The following CPA4 variants were observed in gnomAD, a reference collection of about 807,000 sequenced individuals.
CPA4 encodes carboxypeptidase A4, also known as carboxypeptidase A3.
A neutral mutation model predicts 54.7 loss-of-function variants in CPA4; 49 were observed. The observed-to-expected ratio is 0.90, with a 90% CI of 0.71 to 1.14. CPA4 has a LOEUF of 1.14. Ranked by LOEUF, CPA4 falls within the 50% of genes most tolerant of loss-of-function variation. The pLI, the probability that CPA4 is intolerant of heterozygous loss-of-function variation, is 0.00. For missense variants in CPA4, 487 were observed against 525.1 expected, an observed-to-expected ratio of 0.93 and a Z score of 0.71; for synonymous variants, 215 against 206.8, an observed-to-expected ratio of 1.04 and a Z score of -0.34.
At chr7:130,319,964 G>A (rs1584756698) in intron 10 of CPA4, among the ~76,000 whole-genome samples, 1 of 152,156 alleles carries the variant, frequency 6.6e-6, no homozygotes, top group Non-Finnish European at 1.5e-5. Context: ...TGGTGGGGCA[G>A]GTATGGGGAA....
chr7:130,296,173 C>T (rs1793645263), intron 1 of CPA4, among the ~76,000 whole-genome samples: 1 of 152,054 alleles, frequency 6.6e-6, no homozygotes, highest in Admixed American at 6.5e-5. Context: ...GTGGGAACAG[C>T]GTGTACAAAA....
chr7:130,306,815 C>T lies in CPA4; in HGVS notation c.620C>T (p.Ala207Val), dbSNP rs1189707952. Residue 207 changes from alanine to valine, a missense_variant, in exon 7 of 11, where the codon GCT becomes GTT. Coordinates refer to ENST00000222482, the MANE Select transcript of CPA4 (RefSeq NM_016352.4). ...KIVSDYQRDP[A>V]ITSILEKMDI... ...GTATCTGATTACCAGAGGGATCCAGCTATCACCTCCATCTTGGAGAAAATG... is the reference window on the plus strand; with the variant it reads ...GTATCTGATTACCAGAGGGATCCAGTTATCACCTCCATCTTGGAGAAAATG... The T allele has an allele frequency of 6.2e-7, 1 of 1,608,638 alleles. No individual in the cohort carries two copies. Among genetic ancestry groups the T allele is most frequent in the Admixed American group, 1.7e-5 (1 of 60,032 alleles).
At position 130,300,914 on chromosome 7, in the gene CPA4, TG is replaced by T; in HGVS notation, c.384+1del. The T allele has an allele frequency of 6.2e-7, 1 of 1,602,228 alleles. No homozygotes were observed. The highest frequency in any genetic ancestry group is 8.6e-7 in the Non-Finnish European group (1 of 1,169,128). ...ACGGGGCTTACCATTCCCTGGAAGC[TG>T]TAAGTGTTTCAGAGTGGGTTAAGAT... On this transcript the variant is annotated splice_donor_variant, in intron 4 of 10. Coordinates refer to ENST00000222482, the MANE Select transcript of CPA4 (RefSeq NM_016352.4). LOFTEE classifies it high-confidence loss of function.
intron 10 of CPA4, among the ~76,000 whole-genome samples, chr7:130,316,328 A>G (rs1793986325): frequency 6.6e-6 from 1 of 152,218 alleles, no homozygotes; most frequent in African/African-American, 2.4e-5. Context: ...ATGATGTTAT[A>G]GGCATATTTA....
intron 4 of CPA4, among the ~76,000 whole-genome samples, chr7:130,303,929 A>G (rs975285375): frequency 6.6e-6 from 1 of 152,082 alleles, no homozygotes; most frequent in Non-Finnish European, 1.5e-5. Context: ...GGCATGAGCC[A>G]CTGCACCTGG....
Position 130,312,088 on chromosome 7 carries a change from T to G in CPA4, c.1044T>G (p.Thr348=). 1 of 1,614,154 alleles carries G rather than the reference T, an allele frequency of 6.2e-7. No homozygotes were observed. Among genetic ancestry groups the G allele is most frequent in the East Asian group, 2.2e-5 (1 of 44,886 alleles). Residue 348 remains threonine (T), a synonymous_variant, in exon 10 of 11, where the codon ACT becomes ACG. Transcript: ENST00000222482. The stretch of plus-strand genomic sequence containing the variant: ...AAGCTCTGGCTTCTGTGTCGGGCAC[T>G]GAGTACCAAGTGGGTCCCACCTGCA... The part of the protein sequence containing the change: ...AAKALASVSG[T]EYQVGPTCTT...
Position 130,322,545 on chromosome 7 carries a change from T to C in CPA4, c.1135T>C (p.Phe379Leu). The change falls in exon 11 of 11, where the codon TTC (phenylalanine) becomes CTC (leucine). Residue 379 changes from phenylalanine to leucine, a missense_variant. Coordinates refer to ENST00000222482, the MANE Select transcript of CPA4 (RefSeq NM_016352.4). ...WAYDNGIKFA[F>L]TFELRDTGTY... ...ATATGACAACGGCATCAAATTTGCA[T>C]TCACATTTGAGTTGAGAGATACCGG... The C allele has an allele frequency of 6.2e-7, 1 of 1,614,170 alleles. No homozygotes were observed. The highest frequency in any genetic ancestry group is 1.1e-5 in the South Asian group (1 of 91,072).
At chr7:130,300,671 AC>A in intron 3 of CPA4, 144 bp from the exon 4 acceptor site, 1 of 592,766 alleles carries the variant, frequency 1.7e-6, no homozygotes, top group African/African-American at 1.9e-5. Context: ...AAGAAATCTA[AC>A]CCCCTTTTAA....
chr7:130,294,204 G>A (rs1379694791), intron 1 of CPA4, among the ~76,000 whole-genome samples: 2 of 152,188 alleles, frequency 1.3e-5, no homozygotes, highest in African/African-American at 2.4e-5. Context: ...AAGCAGGGGA[G>A]CTGGAACTCT....
intron 5 of CPA4, 149 bp from the exon 6 acceptor site, chr7:130,305,667 T>C (rs770982886): frequency 2.7e-4 from 187 of 688,162 alleles, no homozygotes; most frequent in Non-Finnish European, 4.2e-4. Context: ...AAGTCACGGA[T>C]AAGCTCGATA....
intron 10 of CPA4, 86 bp downstream of exon 10, chr7:130,312,208 C>T: frequency 2.1e-6 from 2 of 941,538 alleles, no homozygotes; most frequent in Non-Finnish European, 3.4e-6. Flanking sequence ...GTAAGTTAGA[C>T]TTACTTGTCA....
At chr7:130,311,472 C>T (rs1342611956) in intron 9 of CPA4, among the ~76,000 whole-genome samples, 1 of 152,180 alleles carries the variant, frequency 6.6e-6, no homozygotes, top group Non-Finnish European at 1.5e-5. Flanking sequence ...AAACCTCAGG[C>T]AGATGCAGCC....
chr7:130,319,678 A>G (rs545305097), intron 10 of CPA4, among the ~76,000 whole-genome samples: 2 of 152,298 alleles, frequency 1.3e-5, no homozygotes, highest in South Asian at 4.1e-4. Context: ...TATTACAGGA[A>G]GGTGAGGGGC....
intron 4 of CPA4, among the ~76,000 whole-genome samples, chr7:130,301,795 G>A (rs1033306177): frequency 3.8e-4 from 58 of 152,088 alleles, no homozygotes; most frequent in African/African-American, 1.2e-3. Context: ...TACTTCCAAC[G>A]GCACTGCCCC....
chr7:130,293,890 CGT>C (rs901651195), intron 1 of CPA4, among the ~76,000 whole-genome samples: 19 of 151,738 alleles, frequency 1.3e-4, no homozygotes, highest in African/African-American at 1.9e-4. Flanking sequence ...TGTGTGTGCG[CGT>C]GTGTGTGTGC....
At chr7:130,301,886 A>G (rs1334834983) in intron 4 of CPA4, among the ~76,000 whole-genome samples, 2 of 152,224 alleles carry the variant, frequency 1.3e-5, no homozygotes, top group Non-Finnish European at 2.9e-5. Flanking sequence ...CCATGGACGA[A>G]AGCAGAGCTC....
intron 10 of CPA4, among the ~76,000 whole-genome samples, chr7:130,314,349 G>C (rs900465345): frequency 6.6e-6 from 1 of 152,222 alleles, no homozygotes; most frequent in East Asian, 1.9e-4. Context: ...GTAGGGAGTC[G>C]TAATAGGTTT....
At position 130,300,814 on chromosome 7, in the gene CPA4, A is replaced by G; in HGVS notation, c.286-2A>G. 1.2e-6 allele frequency: 2 copies of G among 1,607,978 alleles called. No individual in the cohort carries two copies. The highest frequency in any genetic ancestry group is 1.7e-6 in the Non-Finnish European group (2 of 1,174,412). On this transcript the variant is annotated splice_acceptor_variant, in intron 3 of 10. Transcript: ENST00000222482. LOFTEE classifies it high-confidence loss of function. ...CTTCACAACATTGCTGTGTGTTTTC[A>G]GGCCCTTTTAGACAATGAAGATGAT... is the stretch of plus-strand genomic sequence containing the variant.
Position 130,310,708 on chromosome 7 carries a change from C to A in CPA4, c.794-79C>A. On this transcript the variant is annotated intron_variant, in intron 8 of 10. Coordinates refer to ENST00000222482, the MANE Select transcript of CPA4 (RefSeq NM_016352.4). This position sits in a 1 kb window ranked among gnomAD's most constrained non-coding sequence, Gnocchi z 4.3. ...CCTGCCCATTCCCAATACCTTCGGCCCCTCTCTAGGTGGAGCGTCTTGCAT... is the reference window on the plus strand; with the variant it reads ...CCTGCCCATTCCCAATACCTTCGGCACCTCTCTAGGTGGAGCGTCTTGCAT... 1.5e-6 allele frequency: 2 copies of A among 1,373,148 alleles called. No homozygotes were observed. The highest frequency in any genetic ancestry group is 2.4e-5 in the South Asian group (2 of 84,438). 85.1% of individuals were successfully genotyped at this position (1,373,148 alleles called of 1,614,324 possible).
Sources: allele counts gnomAD v4.1 joint callset (sites outside exome capture counted in the v4.1 genomes callset), GRCh38; gene constraint gnomAD v4.1.1; non-coding constraint Gnocchi (gnomAD v3.1); transcripts MANE v1.5; gene names NCBI Gene and HGNC (gene_info 2026-07-23, HGNC 2026-07-21).